PXDNL: variants seen among roughly 807,000 people sequenced by gnomAD.
PXDNL encodes probable oxidoreductase PXDNL.
PXDNL carries 145 observed loss-of-function variants against 150.8 expected under a neutral mutation model. That is an observed-to-expected ratio of 0.96 (90% CI 0.84 to 1.10). PXDNL has a LOEUF of 1.10. Among genes scored for constraint, PXDNL ranks in the 50% least tolerant of loss-of-function variants. PXDNL has a pLI of 0.00. For missense variants in PXDNL, 2,087 were observed against 1,873.9 expected (o/e 1.11, Z -2.10); for synonymous variants, 757 against 725.7 (o/e 1.04, Z -0.69).
chr8:51,470,098 T>C lies in PXDNL; in HGVS notation c.812+2089A>G, dbSNP rs539228743. Among the ~76,000 whole-genome samples, 195 of 152,226 alleles carry C rather than the reference T, an allele frequency of 1.3e-3. 3 individuals carry two copies. The South Asian group carries it at 0.023, about 18-fold the overall frequency. Reference sequence around the variant, plus strand: ...CTTTGTAACCTTGAACACACCATTTTAAAATTTAAATTGTAAGAAAGCAGA... The same window carrying C: ...CTTTGTAACCTTGAACACACCATTTCAAAATTTAAATTGTAAGAAAGCAGA... On this transcript the variant is annotated intron_variant, in intron 8 of 22. Coordinates refer to ENST00000356297, the MANE Select transcript of PXDNL (RefSeq NM_144651.5).
intron 8 of PXDNL, among the ~76,000 whole-genome samples, chr8:51,466,989 T>C (rs978281329): frequency 6.6e-6 from 1 of 152,134 alleles, no homozygotes; most frequent in African/African-American, 2.4e-5. Context: ...TTTGAAGATT[T>C]CTCAAAGAAG....
chr8:51,343,582 A>G (rs951162873), intron 20 of PXDNL, among the ~76,000 whole-genome samples: 7 of 152,208 alleles, frequency 4.6e-5, no homozygotes, highest in Admixed American at 4.6e-4. Flanking sequence ...TGTTTCGGTA[A>G]TAAGTTAATT....
intron 2 of PXDNL, among the ~76,000 whole-genome samples, chr8:51,633,827 G>T (rs1259534563): frequency 6.6e-6 from 1 of 152,074 alleles, no homozygotes; most frequent in Non-Finnish European, 1.5e-5. Flanking sequence ...TTTTGATGGG[G>T]TTATGTGTTT....
chr8:51,587,308 G>C (rs1813346048), intron 3 of PXDNL, among the ~76,000 whole-genome samples: 1 of 152,138 alleles, frequency 6.6e-6, no homozygotes, highest in Non-Finnish European at 1.5e-5. Flanking sequence ...TTTGCTCTTA[G>C]ATCTTCAAGA....
rs1378287265 is a variant in PXDNL at position 51,483,651 on chromosome 8, T to C, written c.516A>G (p.Leu172=). ...CACTTGCTTTCACTTACAATCTTTTTAATGAATCCAGATTAGAAAAGCTCC... is the reference window on the plus strand; with the variant it reads ...CACTTGCTTTCACTTACAATCTTTTCAATGAATCCAGATTAGAAAAGCTCC... ...PAGSFSNLDS[L]KRLRLDSNAL... The change falls in exon 6 of 23, where the codon TTA becomes TTG. Residue 172 remains leucine, a synonymous_variant. Coordinates refer to ENST00000356297, the MANE Select transcript of PXDNL (RefSeq NM_144651.5). 6 of 1,515,476 alleles carry C rather than the reference T, an allele frequency of 4.0e-6. No individual in the cohort carries two copies. The African/African-American group carries it at 5.6e-5, about 14-fold the overall frequency. 93.9% of individuals were successfully genotyped at this position (1,515,476 alleles called of 1,614,324 possible). A position where few individuals can be genotyped will look rare whatever the true frequency, so the allele number is the denominator to read the frequency against.
chr8:51,653,499 G>C (rs1444047359), intron 2 of PXDNL, among the ~76,000 whole-genome samples: 1 of 152,180 alleles, frequency 6.6e-6, no homozygotes, highest in Non-Finnish European at 1.5e-5. Context: ...GGGGAAGAGG[G>C]CTAGGAATTT....
At chr8:51,755,003 C>T (rs1287655462) in intron 1 of PXDNL, among the ~76,000 whole-genome samples, 1 of 152,152 alleles carries the variant, frequency 6.6e-6, no homozygotes, top group Non-Finnish European at 1.5e-5. Context: ...TGAGCCTAGG[C>T]ACCCTGCACT....
intron 1 of PXDNL, among the ~76,000 whole-genome samples, chr8:51,787,389 C>T (rs780154522): frequency 4.0e-4 from 61 of 152,260 alleles, no homozygotes; most frequent in Middle Eastern, 3.4e-3. Flanking sequence ...TTCTAAATGC[C>T]ATTAAGAACA....
At chr8:51,791,883 G>T (rs2037516621) in intron 1 of PXDNL, among the ~76,000 whole-genome samples, 1 of 152,230 alleles carries the variant, frequency 6.6e-6, no homozygotes, top group South Asian at 2.1e-4. Flanking sequence ...AGATGCCCGG[G>T]TGAGTAAGAT....
intron 17 of PXDNL, among the ~76,000 whole-genome samples, chr8:51,376,295 T>C (rs1303756657): frequency 6.6e-6 from 1 of 152,218 alleles, no homozygotes; most frequent in African/African-American, 2.4e-5. Flanking sequence ...CCTCGACACA[T>C]TGTAACTTAT....
intron 21 of PXDNL, among the ~76,000 whole-genome samples, chr8:51,326,996 C>T (rs1805517743): frequency 7.0e-6 from 1 of 143,064 alleles, no homozygotes; most frequent in Non-Finnish European, 1.6e-5. Flanking sequence ...CCCATGTGAA[C>T]AAAAAGACAG....
At chr8:51,453,992 A>T (rs1809871158) in intron 9 of PXDNL, among the ~76,000 whole-genome samples, 1 of 152,194 alleles carries the variant, frequency 6.6e-6, no homozygotes, top group Non-Finnish European at 1.5e-5. Flanking sequence ...ATACTTTTTT[A>T]AAAAGATTGC....
chr8:51,577,069 T>A (rs955059857), intron 3 of PXDNL, among the ~76,000 whole-genome samples: 2 of 151,348 alleles, frequency 1.3e-5, no homozygotes, highest in East Asian at 3.9e-4. Flanking sequence ...ATCAGACATT[T>A]AATGACAAAT....
At chr8:51,806,518 A>G (rs1410897225) in intron 1 of PXDNL, among the ~76,000 whole-genome samples, 1 of 152,140 alleles carries the variant, frequency 6.6e-6, no homozygotes, top group African/African-American at 2.4e-5. Flanking sequence ...GCAATCCTAC[A>G]TCAAGGATTT....
chr8:51,540,947 TTA>T (rs1300975967), intron 4 of PXDNL, among the ~76,000 whole-genome samples: 3 of 150,266 alleles, frequency 2.0e-5, no homozygotes, highest in Non-Finnish European at 2.9e-5. Flanking sequence ...GCAGATGTTG[TTA>T]TTTTTTTTTT....
At position 51,374,732 on chromosome 8, in the gene PXDNL, C is replaced by A. The variant is rs1807248307; in HGVS notation, c.3558-1G>T. 1 of 1,613,568 alleles carries A rather than the reference C, an allele frequency of 6.2e-7. No homozygotes were observed. Among genetic ancestry groups the A allele is most frequent in the Admixed American group, 1.7e-5 (1 of 59,948 alleles). ...AATGTCACCTGGAGAGCCGTACAAC[C>A]TGGAACAGAGACAGGCAGACAGCGC... On this transcript the variant is annotated splice_acceptor_variant, in intron 17 of 22. Coordinates refer to ENST00000356297, the MANE Select transcript of PXDNL (RefSeq NM_144651.5). LOFTEE classifies it high-confidence loss of function.
chr8:51,522,022 A>G (rs1331339737), intron 4 of PXDNL, among the ~76,000 whole-genome samples: 2 of 152,206 alleles, frequency 1.3e-5, no homozygotes, highest in Non-Finnish European at 2.9e-5. Context: ...AAGAAATGCA[A>G]TAGGTCAGAA....
chr8:51,470,851 C>T (rs1810311789), intron 8 of PXDNL, among the ~76,000 whole-genome samples: 1 of 152,114 alleles, frequency 6.6e-6, no homozygotes, highest in Non-Finnish European at 1.5e-5. Context: ...GGATTGAAGA[C>T]TTCAATGTAA....
intron 12 of PXDNL, among the ~76,000 whole-genome samples, chr8:51,431,908 A>G (rs1214140480): frequency 1.3e-5 from 2 of 152,168 alleles, no homozygotes; most frequent in Non-Finnish European, 2.9e-5. Context: ...GGAATTCTCT[A>G]TATATTACAG....
Sources: gnomAD v4.1 joint callset for allele counts (sites outside exome capture counted in the v4.1 genomes callset) on GRCh38, gnomAD v4.1.1 for gene constraint, MANE v1.5 for transcripts, NCBI Gene and HGNC (gene_info 2026-07-23, HGNC 2026-07-21) for gene names.